HMBOX1: variants seen among roughly 807,000 people sequenced by gnomAD.
HMBOX1 encodes the protein homeobox-containing protein 1.
HMBOX1 carries 14 observed loss-of-function variants against 54.5 expected under a neutral mutation model. The ratio of observed to expected loss-of-function variants is 0.26; its 90% CI spans 0.17 to 0.40. HMBOX1 has a LOEUF of 0.40. HMBOX1 is among the 10% of genes least tolerant of loss of function. HMBOX1 has a pLI of 1.00. For synonymous variants in HMBOX1, 160 were observed against 181.0 expected (o/e 0.88, Z 0.93); for missense variants, 332 against 514.4 (o/e 0.65, Z 3.43).
intron 5 of HMBOX1, 195 bp downstream of exon 5, chr8:29,009,377 T>C (rs1833909139): frequency 4.0e-6 from 3 of 753,318 alleles, no homozygotes; most frequent in Non-Finnish European, 4.8e-6. Context: ...TCTAATATTA[T>C]CTAGTCATAT....
intron 3 of HMBOX1, among the ~76,000 whole-genome samples, chr8:28,971,761 G>A (rs1181391252): frequency 6.6e-6 from 1 of 152,082 alleles, no homozygotes; most frequent in East Asian, 1.9e-4. Context: ...ATTTACTTTT[G>A]TTGGAATTGA....
intron 1 of HMBOX1, among the ~76,000 whole-genome samples, chr8:28,929,813 A>G (rs1819166813): frequency 6.6e-6 from 1 of 152,094 alleles, no homozygotes; most frequent in African/African-American, 2.4e-5. Context: ...ATCCCCTGCC[A>G]CCCACACTCT....
At chr8:28,998,349 T>C in intron 4 of HMBOX1, among the ~76,000 whole-genome samples, 1 of 152,230 alleles carries the variant, frequency 6.6e-6, no homozygotes, top group East Asian at 1.9e-4. Flanking sequence ...GTTTGGTATA[T>C]GTACATTTAT....
intron 3 of HMBOX1, among the ~76,000 whole-genome samples, chr8:28,972,567 A>T (rs957317981): frequency 6.6e-6 from 1 of 152,228 alleles, no homozygotes; most frequent in Non-Finnish European, 1.5e-5. Flanking sequence ...GCTTTTAATT[A>T]TTCTAAGTAG....
chr8:29,027,904 C>T (rs953141572), intron 6 of HMBOX1, among the ~76,000 whole-genome samples: 2 of 151,978 alleles, frequency 1.3e-5, no homozygotes, highest in African/African-American at 2.4e-5. Context: ...AAAACTATTG[C>T]GTGTTTTATT....
chr8:28,929,889 G>A (rs1205492976), intron 1 of HMBOX1, among the ~76,000 whole-genome samples: 2 of 152,050 alleles, frequency 1.3e-5, no homozygotes, highest in Non-Finnish European at 2.9e-5. Flanking sequence ...ATGTTGAATA[G>A]CCATTGCCTC....
intron 3 of HMBOX1, among the ~76,000 whole-genome samples, chr8:28,972,034 C>T (rs984553758): frequency 2.0e-5 from 3 of 152,156 alleles, no homozygotes; most frequent in Non-Finnish European, 4.4e-5. Context: ...AATAGTACCA[C>T]AATGTTGAAA....
chr8:29,016,414 ATAAT>A (rs1835010316), intron 5 of HMBOX1, among the ~76,000 whole-genome samples: 1 of 152,260 alleles, frequency 6.6e-6, no homozygotes, highest in African/African-American at 2.4e-5. Context: ...ATACATTTGA[ATAAT>A]TAATAATAGT....
At chr8:28,896,064 G>GT (rs1208920089) in intron 1 of HMBOX1, among the ~76,000 whole-genome samples, 5 of 152,240 alleles carry the variant, frequency 3.3e-5, no homozygotes, top group South Asian at 4.1e-4. Flanking sequence ...CCAAATCCTG[G>GT]TTTTTGCCAG....
At chr8:29,006,831 C>G (rs1833522186) in intron 4 of HMBOX1, among the ~76,000 whole-genome samples, 2 of 152,114 alleles carry the variant, frequency 1.3e-5, no homozygotes, top group South Asian at 2.1e-4. Flanking sequence ...CATATTGGAA[C>G]CAGTTAACAG....
At chr8:29,048,736 A>G in intron 8 of HMBOX1, 1 of 498,950 alleles carries the variant, frequency 2.0e-6, no homozygotes, top group Non-Finnish European at 3.6e-6. Flanking sequence ...TAACATGCAC[A>G]GCAGCAGAGA....
At chr8:29,021,629 G>A (rs1210306402) in intron 6 of HMBOX1, among the ~76,000 whole-genome samples, 1 of 151,982 alleles carries the variant, frequency 6.6e-6, no homozygotes, top group Non-Finnish European at 1.5e-5. Context: ...GCCGAGGCGG[G>A]CGGATCACGA....
chr8:29,011,746 G>A (rs539012068), intron 5 of HMBOX1, among the ~76,000 whole-genome samples: 1 of 151,334 alleles, frequency 6.6e-6, no homozygotes, highest in East Asian at 1.9e-4. Context: ...ATTTATTTTA[G>A]CTTTTAGTCT....
At chr8:29,043,439 TC>T (rs1805133771) in intron 6 of HMBOX1, among the ~76,000 whole-genome samples, 1 of 152,244 alleles carries the variant, frequency 6.6e-6, no homozygotes, top group Non-Finnish European at 1.5e-5. Flanking sequence ...TGTCCATACA[TC>T]CTATGGCATT....
intron 4 of HMBOX1, among the ~76,000 whole-genome samples, chr8:28,988,438 G>A (rs944128363): frequency 9.9e-5 from 15 of 152,170 alleles, no homozygotes; most frequent in Non-Finnish European, 1.6e-4. Context: ...TTTCCTTTGG[G>A]TAAATACCCA....
At chr8:29,033,050 T>C (rs186679640) in intron 6 of HMBOX1, among the ~76,000 whole-genome samples, 1 of 152,124 alleles carries the variant, frequency 6.6e-6, no homozygotes, top group African/African-American at 2.4e-5. Flanking sequence ...TAAAAAAACA[T>C]TTTGTGGGAG....
In HMBOX1 at chr8:29,051,096, T is replaced by C. The variant is rs1483150002; in HGVS notation, c.1204T>C (p.Leu402=). The stretch of plus-strand genomic sequence containing the variant: ...AATGGCAGCAGTCAACCACACTATC[T>C]TGGCATTGGCCCGACAAGGAGCCAA... ...VEMAAVNHTI[L]ALARQGANEI... is the part of the protein sequence containing the mutation. The change falls in exon 10 of 10, where the codon TTG becomes CTG. Residue 402 remains leucine (L), a synonymous_variant. Coordinates refer to ENST00000287701, the MANE Select transcript of HMBOX1 (RefSeq NM_001135726.3). 1.2e-6 allele frequency: 2 copies of C among 1,613,266 alleles called. No individual in the cohort carries two copies. The highest frequency in any genetic ancestry group is 1.3e-5 in the African/African-American group (1 of 74,728).
chr8:29,024,780 A>C (rs1012325490), intron 6 of HMBOX1, among the ~76,000 whole-genome samples: 3 of 152,140 alleles, frequency 2.0e-5, no homozygotes, highest in Non-Finnish European at 4.4e-5. Flanking sequence ...GAAGTGACTA[A>C]CCCATATGCA....
intron 1 of HMBOX1, among the ~76,000 whole-genome samples, chr8:28,915,226 G>T (rs1250353535): frequency 6.6e-6 from 1 of 152,120 alleles, no homozygotes; most frequent in Non-Finnish European, 1.5e-5. Flanking sequence ...TACATTTTAT[G>T]AAGTAAAAAG....
Sources: gnomAD v4.1 joint callset for allele counts (sites outside exome capture counted in the v4.1 genomes callset) on GRCh38, gnomAD v4.1.1 for gene constraint, MANE v1.5 for transcripts, NCBI Gene and HGNC (gene_info 2026-07-23, HGNC 2026-07-21) for gene names.